ANKS1B: variants seen among roughly 807,000 people sequenced by gnomAD.
ANKS1B encodes ankyrin repeat and sterile alpha motif domain-containing protein 1B.
In ANKS1B, 36 loss-of-function variants were observed where a neutral mutation model predicts 148.3. The observed-to-expected ratio is 0.24, with a 90% CI of 0.19 to 0.32. The LOEUF (loss-of-function observed/expected upper bound fraction) is 0.32, where lower values mean the gene tolerates loss of function less well. Ranked by LOEUF, ANKS1B falls within the 10% of genes least tolerant of loss-of-function variation. The pLI, the probability that ANKS1B is intolerant of heterozygous loss-of-function variation, is 1.00. For synonymous variants in ANKS1B, 542 were observed against 560.8 expected, an observed-to-expected ratio of 0.97 and a Z score of 0.47; for missense variants, 1,157 against 1,542.6, an observed-to-expected ratio of 0.75 and a Z score of 4.19.
chr12:99,235,770 C>A (rs1264106317), intron 14 of ANKS1B, among the ~76,000 whole-genome samples: 1 of 152,044 alleles, frequency 6.6e-6, no homozygotes, highest in Non-Finnish European at 1.5e-5. Flanking sequence ...ATTGCTTGAC[C>A]TTTTTAAAAA....
At position 99,537,518 on chromosome 12, in the gene ANKS1B, T is replaced by C. The variant is rs528515284; in HGVS notation, c.1273-32877A>G. Among the ~76,000 whole-genome samples, 13 of 152,306 alleles carry C rather than the reference T, an allele frequency of 8.5e-5. No homozygotes were observed. In the East Asian group the frequency reaches 2.1e-3, roughly 25 times the overall value. On this transcript the variant is annotated intron_variant, in intron 9 of 26. Coordinates refer to ENST00000683438, the MANE Select transcript of ANKS1B (RefSeq NM_001352186.2). ...TATATTTCTCCAATGATCAATGATG[T>C]TGAACACCTTTTCATACGCCTGTTT...
chr12:99,576,268 CA>C (rs113034457), intron 9 of ANKS1B, among the ~76,000 whole-genome samples: 21,824 of 151,972 alleles, frequency 0.14, 1,715 homozygotes, highest in Middle Eastern at 0.2. Context: ...TACAGACCTA[CA>C]ATGATACTTA....
At chr12:99,849,829 C>A (rs1459330672) in intron 1 of ANKS1B, among the ~76,000 whole-genome samples, 2 of 152,080 alleles carry the variant, frequency 1.3e-5, no homozygotes, top group Non-Finnish European at 1.5e-5. Context: ...GTAACTAGAA[C>A]AGGGCACAAC....
chr12:99,879,232 T>C (rs75771535), intron 1 of ANKS1B, among the ~76,000 whole-genome samples: 263 of 152,152 alleles, frequency 1.7e-3, no homozygotes, highest in African/African-American at 5.9e-3. Flanking sequence ...TCTGAAGAGG[T>C]GTTAAGAGAG....
intron 12 of ANKS1B, among the ~76,000 whole-genome samples, chr12:99,312,203 C>A (rs1288718455): frequency 1.3e-5 from 2 of 152,172 alleles, no homozygotes; most frequent in African/African-American, 2.4e-5. Flanking sequence ...TTAGGGCCAG[C>A]AACCAGGAGT....
At chr12:99,377,541 C>A (rs888556375) in intron 12 of ANKS1B, among the ~76,000 whole-genome samples, 1 of 152,082 alleles carries the variant, frequency 6.6e-6, no homozygotes, top group Non-Finnish European at 1.5e-5. Context: ...TCTTTGCCAA[C>A]GAATTGTGAC....
chr12:99,971,046 T>C (rs927960450), intron 1 of ANKS1B, among the ~76,000 whole-genome samples: 7 of 152,198 alleles, frequency 4.6e-5, no homozygotes, highest in Admixed American at 1.3e-4. Context: ...TTATCACTGT[T>C]CTTAGTTATC....
intron 10 of ANKS1B, among the ~76,000 whole-genome samples, chr12:99,482,838 T>C (rs147713845): frequency 1.3e-5 from 2 of 152,122 alleles, no homozygotes; most frequent in East Asian, 3.9e-4. Flanking sequence ...AGCAGTGCTA[T>C]GGATTTGTGT....
intron 14 of ANKS1B, among the ~76,000 whole-genome samples, chr12:99,165,794 T>C (rs1325728598): frequency 1.3e-5 from 2 of 151,914 alleles, no homozygotes; most frequent in Admixed American, 6.6e-5. Context: ...CAGCATTATT[T>C]TGATACCAAA....
intron 17 of ANKS1B, among the ~76,000 whole-genome samples, chr12:99,020,060 T>G (rs928657941): frequency 7.0e-6 from 1 of 143,644 alleles, no homozygotes; most frequent in Non-Finnish European, 1.5e-5. Flanking sequence ...TTTGGACATT[T>G]CTCCATCTTT....
chr12:99,022,935 G>C (rs1389932213), intron 17 of ANKS1B, among the ~76,000 whole-genome samples: 1 of 152,028 alleles, frequency 6.6e-6, no homozygotes, highest in Non-Finnish European at 1.5e-5. Flanking sequence ...CTGTAAATCT[G>C]TATTGAATTT....
chr12:99,841,353 A>G (rs2153697669), intron 1 of ANKS1B, among the ~76,000 whole-genome samples: 1 of 152,182 alleles, frequency 6.6e-6, no homozygotes, highest in Admixed American at 6.5e-5. Flanking sequence ...AAGCATCTCT[A>G]CACTACTGGA....
chr12:99,772,719 A>T (rs2063312247), intron 8 of ANKS1B: 1 of 412,074 alleles, frequency 2.4e-6, no homozygotes, highest in Non-Finnish European at 4.3e-6. Flanking sequence ...TAGAGAGACC[A>T]TGAAGTGATC....
intron 17 of ANKS1B, among the ~76,000 whole-genome samples, chr12:98,964,617 C>G (rs1272641719): frequency 6.6e-6 from 1 of 152,164 alleles, no homozygotes; most frequent in Non-Finnish European, 1.5e-5. Flanking sequence ...GGAGTGCTAT[C>G]CAGCCATAAA....
intron 17 of ANKS1B, among the ~76,000 whole-genome samples, chr12:98,926,098 C>T (rs945193331): frequency 2.0e-5 from 3 of 152,154 alleles, no homozygotes; most frequent in Non-Finnish European, 4.4e-5. Context: ...AGCCCCTATT[C>T]TCTCATCTCT....
chr12:99,795,414 G>A (rs1412531565), intron 4 of ANKS1B, among the ~76,000 whole-genome samples: 1 of 151,866 alleles, frequency 6.6e-6, no homozygotes, highest in Non-Finnish European at 1.5e-5. Flanking sequence ...TCTACATTCA[G>A]TCAAACTACC....
intron 15 of ANKS1B, among the ~76,000 whole-genome samples, chr12:99,100,463 T>C (rs1477895272): frequency 6.6e-6 from 1 of 152,186 alleles, no homozygotes; most frequent in Non-Finnish European, 1.5e-5. Flanking sequence ...GTCTCTCTCC[T>C]AAAGAAGCTC....
rs539443895 is a variant in ANKS1B, at chr12:99,534,309, T to C, written c.1273-29668A>G. 5.0e-4 allele frequency among the ~76,000 whole-genome samples: 76 copies of C among 152,378 alleles called. 1 individual carries two copies. The highest frequency in any genetic ancestry group is 1.3e-3 in the Admixed American group (20 of 15,304). The stretch of plus-strand genomic sequence containing the variant: ...CCAGAAATCTGAATTTAGTCCCACA[T>C]AGCAATGAATGTTTCTCAATTATAC... On this transcript the variant is annotated intron_variant, in intron 9 of 26. Coordinates refer to ENST00000683438, the MANE Select transcript of ANKS1B (RefSeq NM_001352186.2).
intron 8 of ANKS1B, among the ~76,000 whole-genome samples, chr12:99,754,869 A>G (rs7136111): frequency 0.18 from 26,905 of 152,108 alleles, 2,907 homozygotes; most frequent in East Asian, 0.49. Flanking sequence ...GGAAATTTAT[A>G]GCACTAAATG....
Sources: gnomAD v4.1 joint callset for allele counts (sites outside exome capture counted in the v4.1 genomes callset) on GRCh38, gnomAD v4.1.1 for gene constraint, MANE v1.5 for transcripts, NCBI Gene and HGNC (gene_info 2026-07-23, HGNC 2026-07-21) for gene names.